Variants in PTPN3 observed in about 807,000 individuals in gnomAD.
The protein encoded by PTPN3 is protein tyrosine phosphatase non-receptor type 3.
A neutral mutation model predicts 132.7 loss-of-function variants in PTPN3; 96 were observed. That is an observed-to-expected ratio of 0.72 (90% CI 0.61 to 0.86). The LOEUF is 0.86. Ranked by LOEUF, PTPN3 falls within the 40% of genes least tolerant of loss-of-function variation. PTPN3 has a pLI of 0.00. For missense variants in PTPN3, 1,125 were observed against 1,159.6 expected, an observed-to-expected ratio of 0.97 and a Z score of 0.43; for synonymous variants, 398 against 429.0, an observed-to-expected ratio of 0.93 and a Z score of 0.89.
At chr9:109,514,863 C>T in the PTPN3 span, among the ~76,000 whole-genome samples, 1 of 152,144 alleles carries the variant, frequency 6.6e-6, no homozygotes, top group Non-Finnish European at 1.5e-5. Flanking sequence ...GCTTATATTT[C>T]TGCTTCTGAC....
chr9:109,410,191 T>G (rs576055297), intron 15 of PTPN3, 38 bp downstream of exon 15: 1 of 1,611,716 alleles, frequency 6.2e-7, no homozygotes, highest in East Asian at 2.2e-5. Context: ...CGGGAAGCCC[T>G]GGGTGTGTGG....
chr9:109,405,320 TGA>T (rs1208016840), intron 18 of PTPN3, among the ~76,000 whole-genome samples: 2 of 152,100 alleles, frequency 1.3e-5, no homozygotes, highest in Non-Finnish European at 2.9e-5. Context: ...GGCTCTGGAC[TGA>T]GAGTTGCAGT....
the PTPN3 span, among the ~76,000 whole-genome samples, chr9:109,503,329 C>G: frequency 6.6e-6 from 1 of 152,134 alleles, no homozygotes; most frequent in Non-Finnish European, 1.5e-5. Context: ...ATCCCCTGAG[C>G]CTGTGTTCTA....
At chr9:109,405,196 A>C (rs564643986) in intron 18 of PTPN3, among the ~76,000 whole-genome samples, 2 of 152,298 alleles carry the variant, frequency 1.3e-5, no homozygotes, top group East Asian at 1.9e-4. Flanking sequence ...AATTCAATAC[A>C]GGTGAAAGCA....
chr9:109,534,402 G>GC, the PTPN3 span: 1 of 1,441,778 alleles, frequency 6.9e-7, no homozygotes. Flanking sequence ...TGGTAGCTAG[G>GC]CCAGCGGTGG....
In PTPN3 at chr9:109,428,655, C is replaced by G. The variant is rs146954653; in HGVS notation, c.794G>C (p.Arg265Thr). The G allele has an allele frequency of 6.8e-5, 109 of 1,613,642 alleles. No homozygotes were observed. The highest frequency in any genetic ancestry group is 8.6e-5 in the Non-Finnish European group (102 of 1,179,866). The change falls in exon 11 of 26, where the codon AGG (arginine) becomes ACG (threonine). Residue 265 changes from arginine (R) to threonine (T), a missense_variant. By Grantham distance (71) the Arg-to-Thr change is moderately conservative (BLOSUM62 -1). Coordinates refer to ENST00000374541, the MANE Select transcript of PTPN3 (RefSeq NM_002829.4). Reference sequence around the variant, plus strand: ...TCGCTGATGTATGAAGAACTTTTTCCTTTTGAAAGAAATTTTGAGAATGTT... The same window carrying G: ...TCGCTGATGTATGAAGAACTTTTTCGTTTTGAAAGAAATTTTGAGAATGTT... ...WVNILKISFK[R>T]KKFFIHQRQK...
chr9:109,419,551 T>C (rs1014902671), intron 14 of PTPN3, among the ~76,000 whole-genome samples: 1 of 152,142 alleles, frequency 6.6e-6, no homozygotes, highest in Non-Finnish European at 1.5e-5. Flanking sequence ...ATGTCTTACC[T>C]ACTTAAAAAA....
the PTPN3 span, among the ~76,000 whole-genome samples, chr9:109,530,913 T>A: frequency 1.3e-5 from 2 of 152,130 alleles, no homozygotes; most frequent in South Asian, 4.1e-4. Flanking sequence ...TTGAATTGGG[T>A]TGTTTTGTTG....
At chr9:109,413,995 T>G (rs1485265400) in intron 14 of PTPN3, among the ~76,000 whole-genome samples, 1 of 152,210 alleles carries the variant, frequency 6.6e-6, no homozygotes, top group African/African-American at 2.4e-5. Context: ...GGGCCCTGTT[T>G]TGGGAGCTTC....
intron 24 of PTPN3, among the ~76,000 whole-genome samples, chr9:109,382,076 G>A (rs1367642555): frequency 6.6e-6 from 1 of 152,194 alleles, no homozygotes; most frequent in African/African-American, 2.4e-5. Flanking sequence ...CAGGAGAAAG[G>A]GTGTGTGAGG....
chr9:109,458,720 T>A (rs930643496), intron 2 of PTPN3, among the ~76,000 whole-genome samples: 2 of 152,096 alleles, frequency 1.3e-5, no homozygotes, highest in African/African-American at 2.4e-5. Flanking sequence ...CAGGGCACCA[T>A]CCATCAGAAA....
the PTPN3 span, among the ~76,000 whole-genome samples, chr9:109,517,471 A>C: frequency 6.6e-6 from 1 of 152,234 alleles, no homozygotes; most frequent in Non-Finnish European, 1.5e-5. Flanking sequence ...ACCCACTGCT[A>C]TACCGTCCAA....
At chr9:109,494,586 A>G (rs1284285604) in intron 1 of PTPN3, among the ~76,000 whole-genome samples, 1 of 152,198 alleles carries the variant, frequency 6.6e-6, no homozygotes, top group Admixed American at 6.5e-5. Flanking sequence ...TATGCCTTGA[A>G]GTTAGAACTA....
At chr9:109,464,417 G>C (rs945329728) in intron 1 of PTPN3, among the ~76,000 whole-genome samples, 1 of 152,176 alleles carries the variant, frequency 6.6e-6, no homozygotes, top group Non-Finnish European at 1.5e-5. Flanking sequence ...TGAAGTGTGG[G>C]AGGAGGGTGA....
intron 5 of PTPN3, chr9:109,451,468 C>G: frequency 1.1e-6 from 1 of 897,138 alleles, no homozygotes; most frequent in Non-Finnish European, 1.3e-6. Context: ...ATTACTCATT[C>G]TGTGCTAAAA....
At chr9:109,464,925 A>C (rs1469051214) in intron 1 of PTPN3, among the ~76,000 whole-genome samples, 1 of 152,156 alleles carries the variant, frequency 6.6e-6, no homozygotes, top group Non-Finnish European at 1.5e-5. Flanking sequence ...GTGTGTAGTG[A>C]GGGGAAGGGG....
chr9:109,533,738 A>C, the PTPN3 span: 1 of 1,448,236 alleles, frequency 6.9e-7, no homozygotes, highest in Non-Finnish European at 9.4e-7. Context: ...GGGTCTCCGC[A>C]TGTAGGAAGG....
At chr9:109,407,035 CA>C (rs1402090960) in intron 17 of PTPN3, among the ~76,000 whole-genome samples, 2 of 151,956 alleles carry the variant, frequency 1.3e-5, no homozygotes, top group African/African-American at 2.4e-5. Context: ...ACAACAGAGG[CA>C]AAAACCATTA....
At chr9:109,490,384 G>A (rs1847402891) in intron 1 of PTPN3, among the ~76,000 whole-genome samples, 1 of 152,180 alleles carries the variant, frequency 6.6e-6, no homozygotes, top group Non-Finnish European at 1.5e-5. Flanking sequence ...AAAATGGTGA[G>A]TTAAAACAGA....
Sources: allele counts gnomAD v4.1 joint callset (sites outside exome capture counted in the v4.1 genomes callset), GRCh38; gene constraint gnomAD v4.1.1; transcripts MANE v1.5; gene names NCBI Gene and HGNC (gene_info 2026-07-23, HGNC 2026-07-21).